DENND6A: variants seen among roughly 807,000 people sequenced by gnomAD.
DENND6A encodes protein DENND6A.
DENND6A carries 43 observed loss-of-function variants against 95.5 expected under a neutral mutation model. That is an observed-to-expected ratio of 0.45 (90% CI 0.35 to 0.58). The LOEUF is 0.58. Among genes scored for constraint, DENND6A ranks in the 20% least tolerant of loss-of-function variants. DENND6A has a pLI of 0.00. For missense variants in DENND6A, 574 were observed against 736.0 expected (o/e 0.78, Z 2.55); for synonymous variants, 257 against 260.4 (o/e 0.99, Z 0.13).
chr3:57,672,750 T>C (rs2071639168), intron 1 of DENND6A, among the ~76,000 whole-genome samples: 1 of 151,866 alleles, frequency 6.6e-6, no homozygotes, highest in African/African-American at 2.4e-5. Context: ...GCCACTGCAC[T>C]CCAGCCTGGG....
Position 57,692,771 on chromosome 3 carries a change from C to T in DENND6A, c.237+11G>A, listed in dbSNP as rs373668783. The T allele has an allele frequency of 1.1e-5, 16 of 1,481,704 alleles. No homozygotes were observed. Among genetic ancestry groups the T allele is most frequent in the Admixed American group, 5.1e-5 (2 of 38,988 alleles). 91.8% of individuals were successfully genotyped at this position (1,481,704 alleles called of 1,614,324 possible). On this transcript the variant is annotated intron_variant, in intron 1 of 19. Transcript: ENST00000311128. The stretch of plus-strand genomic sequence containing the variant: ...GGAGGAGCGCCGAGAAAGGGCGGGG[C>T]CGGGCCTCACCTCCACGGCCTGGCC...
intron 1 of DENND6A, among the ~76,000 whole-genome samples, chr3:57,684,080 A>G (rs1214358234): frequency 7.3e-6 from 1 of 136,896 alleles, no homozygotes; most frequent in African/African-American, 2.8e-5. Context: ...TGAACCCAGA[A>G]GGTGGAGGTT....
intron 13 of DENND6A, 33 bp downstream of exon 13, chr3:57,634,671 A>G: frequency 6.7e-7 from 1 of 1,501,960 alleles, no homozygotes. Flanking sequence ...GTACCATATA[A>G]ATATATATTT....
intron 6 of DENND6A, 124 bp downstream of exon 6, chr3:57,661,322 C>T (rs2071419301): frequency 2.8e-6 from 2 of 718,226 alleles, no homozygotes; most frequent in Non-Finnish European, 4.2e-6. Flanking sequence ...TACCTTTCTC[C>T]TATCATATAT....
At chr3:57,667,713 T>C (rs188498186) in intron 3 of DENND6A, among the ~76,000 whole-genome samples, 7 of 152,284 alleles carry the variant, frequency 4.6e-5, no homozygotes, top group African/African-American at 1.4e-4. Context: ...CAAATAAATA[T>C]GCAAGTTGAG....
At chr3:57,662,562 G>C (rs1330549379) in intron 5 of DENND6A, among the ~76,000 whole-genome samples, 4 of 152,046 alleles carry the variant, frequency 2.6e-5, no homozygotes, top group Admixed American at 2.6e-4. Flanking sequence ...TAATGGCTAA[G>C]ATGTTGCTAA....
chr3:57,684,264 G>A (rs1025698094), intron 1 of DENND6A, among the ~76,000 whole-genome samples: 3 of 151,152 alleles, frequency 2.0e-5, no homozygotes, highest in African/African-American at 7.3e-5. Context: ...GTTTGAGACC[G>A]GCCTGACCAA....
chr3:57,679,371 T>C, intron 1 of DENND6A: 1 of 379,000 alleles, frequency 2.6e-6, no homozygotes, highest in Non-Finnish European at 3.6e-6. Context: ...TCATTGTTGT[T>C]GTTACTTCTT....
In DENND6A at chr3:57,661,343, C is replaced by T. The variant is rs530262773; in HGVS notation, c.619+103G>A. On this transcript the variant is annotated intron_variant, in intron 6 of 19. Coordinates refer to ENST00000311128, the MANE Select transcript of DENND6A (RefSeq NM_152678.3). ...TCTCCTATCATATATTCCTTAAGTTCCTACCTGAATTTTTATAAATTGTTA... is the reference window on the plus strand; with the variant it reads ...TCTCCTATCATATATTCCTTAAGTTTCTACCTGAATTTTTATAAATTGTTA... The T allele has an allele frequency of 8.8e-6, 8 of 906,192 alleles. No homozygotes were observed. In the African/African-American group the frequency reaches 1.2e-4, roughly 14 times the overall value. 56.1% of individuals were successfully genotyped at this position (906,192 alleles called of 1,614,324 possible). A position where few individuals can be genotyped will look rare whatever the true frequency, so the allele number is the denominator to read the frequency against.
At chr3:57,636,707 C>T (rs763359433) in intron 12 of DENND6A, among the ~76,000 whole-genome samples, 5 of 152,016 alleles carry the variant, frequency 3.3e-5, no homozygotes, top group Non-Finnish European at 7.4e-5. Flanking sequence ...AAAGCTGAGG[C>T]GGGTGGATCA....
chr3:57,687,041 A>G (rs2077217344), intron 1 of DENND6A, among the ~76,000 whole-genome samples: 1 of 152,128 alleles, frequency 6.6e-6, no homozygotes, highest in Non-Finnish European at 1.5e-5. Context: ...CTTTTTTTCT[A>G]TGCAACAGGG....
intron 3 of DENND6A, among the ~76,000 whole-genome samples, chr3:57,668,230 T>A (rs2153416119): frequency 6.6e-6 from 1 of 152,338 alleles, no homozygotes; most frequent in Non-Finnish European, 1.5e-5. Flanking sequence ...AGTGCTGCTT[T>A]AGCAACTGGG....
At chr3:57,662,063 T>C (rs2071432121) in intron 5 of DENND6A, among the ~76,000 whole-genome samples, 1 of 152,082 alleles carries the variant, frequency 6.6e-6, no homozygotes, top group Admixed American at 6.6e-5. Flanking sequence ...ACTTTTTATC[T>C]TTCTAACACC....
intron 1 of DENND6A, among the ~76,000 whole-genome samples, chr3:57,679,889 G>C (rs2077146380): frequency 6.6e-6 from 1 of 152,188 alleles, no homozygotes; most frequent in Non-Finnish European, 1.5e-5. Flanking sequence ...GCAACAGACA[G>C]CCTAACAGCA....
intron 9 of DENND6A, among the ~76,000 whole-genome samples, chr3:57,651,587 T>C (rs2071210377): frequency 6.6e-6 from 1 of 152,164 alleles, no homozygotes; most frequent in Non-Finnish European, 1.5e-5. Context: ...TTAGCAGTGA[T>C]GGTTGCACAA....
At chr3:57,657,482 T>C (rs1054047566) in intron 9 of DENND6A, among the ~76,000 whole-genome samples, 198 bp downstream of exon 9, 2 of 152,180 alleles carry the variant, frequency 1.3e-5, no homozygotes, top group African/African-American at 4.8e-5. Flanking sequence ...ATATAATACA[T>C]ATTCTATATT....
chr3:57,628,291 G>C lies in DENND6A; in HGVS notation c.1750C>G (p.Arg584Gly), dbSNP rs774346883. 10 of 1,614,090 alleles carry C rather than the reference G, an allele frequency of 6.2e-6. No individual in the cohort carries two copies. The highest frequency in any genetic ancestry group is 8.5e-6 in the Non-Finnish European group (10 of 1,180,040). ...AAGATAATGGCATCTATGTGTGTCC[G>C]TAACTTTTCCATAGTGTCAGGTTTC... ...PVKPDTMEKL[R>G]THIDAIILAL... The change falls in exon 20 of 20, where the codon CGG (arginine) becomes GGG (glycine). Residue 584 changes from arginine to glycine, a missense_variant. Around this residue, in one of 2 missense-constraint regions of DENND6A, gnomAD observed 452 missense variants for 630.9 expected, o/e 0.72. Coordinates refer to ENST00000311128, the MANE Select transcript of DENND6A (RefSeq NM_152678.3).
chr3:57,643,006 C>A (rs1160921849), intron 11 of DENND6A, among the ~76,000 whole-genome samples: 536 of 104,158 alleles, frequency 5.1e-3, no homozygotes, highest in Admixed American at 6.3e-3. Context: ...GACTTCATCT[C>A]AAAAAAAAAA....
intron 1 of DENND6A, chr3:57,679,626 T>C (rs1575864491): frequency 4.3e-6 from 4 of 923,124 alleles, no homozygotes; most frequent in East Asian, 1.2e-4. Flanking sequence ...GGGAAATCAT[T>C]AGCCAGTCTA....
Sources: gnomAD v4.1 joint callset for allele counts (sites outside exome capture counted in the v4.1 genomes callset) on GRCh38, gnomAD v4.1.1 for gene constraint, gnomAD v4.1.1 regional missense constraint, MANE v1.5 for transcripts, NCBI Gene and HGNC (gene_info 2026-07-23, HGNC 2026-07-21) for gene names.